TACR2: variants seen among roughly 807,000 people sequenced by gnomAD.
TACR2 encodes substance-K receptor.
Under a neutral mutation model 28.9 loss-of-function variants are expected in TACR2, and 24 were observed. That is an observed-to-expected ratio of 0.83 (90% CI 0.60 to 1.17). The LOEUF (loss-of-function observed/expected upper bound fraction) is 1.17. Among genes scored for constraint, TACR2 ranks in the 50% most tolerant of loss-of-function variants. The probability of loss-of-function intolerance (pLI) is 0.00; values close to 1 mark genes in which losing one functional copy is unlikely to be tolerated. For missense variants in TACR2, 487 were observed against 524.4 expected, an observed-to-expected ratio of 0.93 and a Z score of 0.70; for synonymous variants, 222 against 212.6, an observed-to-expected ratio of 1.04 and a Z score of -0.38.
chr10:69,411,112 T>A (rs1379791175), intron 2 of TACR2, among the ~76,000 whole-genome samples: 6 of 152,138 alleles, frequency 3.9e-5, no homozygotes, highest in Admixed American at 3.9e-4. Flanking sequence ...CCTGGTCCCG[T>A]CATTTGACTT....
chr10:69,415,491 G>A (rs1276893001), intron 1 of TACR2, among the ~76,000 whole-genome samples: 1 of 152,150 alleles, frequency 6.6e-6, no homozygotes, highest in Non-Finnish European at 1.5e-5. Context: ...AGCAGCGTTG[G>A]GAAAATAATT....
Position 69,408,963 on chromosome 10 carries a change from C to A in TACR2, c.700G>T (p.Ala234Ser). The change falls in exon 3 of 5, where the codon GCG becomes TCG. Residue 234 changes from alanine (A) to serine (S), a missense_variant. Physicochemically the swap from Ala to Ser is moderately conservative, Grantham distance 99. Coordinates refer to ENST00000373306, the MANE Select transcript of TACR2 (RefSeq NM_001057.3). ...LWRRAVPGHQ[A>S]HGANLRHLQA... Reference sequence around the variant, plus strand: ...AGGTGGCGCAGGTTGGCACCGTGCGCCTGATGTCCGGGCACTGCGCGCCTC... The same window carrying A: ...AGGTGGCGCAGGTTGGCACCGTGCGACTGATGTCCGGGCACTGCGCGCCTC... 2 of 1,596,356 alleles carry A rather than the reference C, an allele frequency of 1.3e-6. No homozygotes were observed. The highest frequency in any genetic ancestry group is 2.4e-5 in the East Asian group (1 of 42,288).
chr10:69,408,165 G>T (rs150393686), intron 3 of TACR2, among the ~76,000 whole-genome samples: 2,778 of 152,254 alleles, frequency 0.018, 96 homozygotes, highest in African/African-American at 0.064. Context: ...ACCCTGGATG[G>T]CAGGGAGTAG....
At chr10:69,413,962 G>A (rs1049416595) in intron 2 of TACR2, among the ~76,000 whole-genome samples, 16 of 152,330 alleles carry the variant, frequency 1.1e-4, no homozygotes, top group African/African-American at 3.6e-4. Context: ...GAGAGAGAAA[G>A]CCAGAGGTTC....
At chr10:69,408,495 C>CG (rs201736150) in intron 3 of TACR2, among the ~76,000 whole-genome samples, 2 of 151,210 alleles carry the variant, frequency 1.3e-5, no homozygotes, top group Non-Finnish European at 2.9e-5. Context: ...TTGTGGAGAA[C>CG]GGGGTCTCGC....
At chr10:69,415,458 C>CATT (rs1013476742) in intron 1 of TACR2, among the ~76,000 whole-genome samples, 1 of 152,226 alleles carries the variant, frequency 6.6e-6, no homozygotes, top group African/African-American at 2.4e-5. Context: ...AAGCATCCAA[C>CATT]ATTAGCCTGA....
intron 2 of TACR2, among the ~76,000 whole-genome samples, chr10:69,414,035 A>C (rs1840590429): frequency 6.6e-6 from 1 of 152,182 alleles, no homozygotes; most frequent in Non-Finnish European, 1.5e-5. Flanking sequence ...CTTGGGCCTG[A>C]CTGAGCCCAG....
In TACR2 at chr10:69,404,783, C is replaced by T; in HGVS notation, c.*43G>A. On this transcript the variant is annotated 3_prime_UTR_variant, in exon 5 of 5. Transcript: ENST00000373306. ...AAGGGATCCATCCCCAATACCCAAA[C>T]ACCTCCCACTAACCCCTACCTCCCA... 9.3e-7 allele frequency: 1 copy of T among 1,080,906 alleles called. No individual in the cohort carries two copies. Among genetic ancestry groups the T allele is most frequent in the Non-Finnish European group, 1.3e-6 (1 of 761,258 alleles). The allele number at this position is 1,080,906 out of a possible 1,614,324, so 67.0% of individuals were successfully genotyped here.
chr10:69,408,375 T>A (rs944015168), intron 3 of TACR2, among the ~76,000 whole-genome samples: 1 of 152,252 alleles, frequency 6.6e-6, no homozygotes, highest in Non-Finnish European at 1.5e-5. Context: ...TAATATTTTA[T>A]CATTCTAAGA....
Position 69,405,548 on chromosome 10 carries a change from G to C in TACR2, c.939-464C>G, listed in dbSNP as rs181661503. 1.3e-4 allele frequency among the ~76,000 whole-genome samples: 20 copies of C among 152,270 alleles called. 1 individual carries two copies. Among genetic ancestry groups the C allele is most frequent in the Admixed American group, 3.3e-4 (5 of 15,296 alleles). On this transcript the variant is annotated intron_variant, in intron 4 of 4. Transcript: ENST00000373306. ...GGACTACATTGAAAAACCCACACTC[G>C]GAGCCACCAAGTTCTGATGCATTTG...
At chr10:69,407,785 C>T (rs556178439) in intron 3 of TACR2, among the ~76,000 whole-genome samples, 1 of 152,334 alleles carries the variant, frequency 6.6e-6, no homozygotes, top group South Asian at 2.1e-4. Context: ...TCCCCCTCCT[C>T]AGAGCCTGGC....
At position 69,408,953 on chromosome 10, in the gene TACR2, G is replaced by A. The variant is rs201906791; in HGVS notation, c.710C>T (p.Ala237Val). ...CATGGCCTGCAGGTGGCGCAGGTTG[G>A]CACCGTGCGCCTGATGTCCGGGCAC... ...RAVPGHQAHG[A>V]NLRHLQAMKK... Residue 237 changes from alanine (A) to valine (V), a missense_variant, in exon 3 of 5, where the codon GCC becomes GTC. Ala to Val is a moderately conservative substitution (Grantham distance 64). Transcript: ENST00000373306. The A allele has an allele frequency of 4.6e-5, 73 of 1,581,680 alleles. No homozygotes were observed. The highest frequency in any genetic ancestry group is 2.2e-4 in the Admixed American group (12 of 55,142).
At chr10:69,409,908 T>TATAC (rs1840551488) in intron 2 of TACR2, among the ~76,000 whole-genome samples, 2 of 21,296 alleles carry the variant, frequency 9.4e-5, no homozygotes, top group Non-Finnish European at 1.9e-4. Context: ...TATATACATA[T>TATAC]ATATATATAT....
In TACR2 at chr10:69,416,050, C is replaced by CAA. The variant is rs1840615121; in HGVS notation, c.272_273dup (p.Val92LeufsTer34). ...TACCAGATGTTGTGGCTGGCATAGA[C>CAA]AAAGTTGAAGGCGGCATTGAAGGCA... On this transcript the variant is annotated frameshift_variant, in exon 1 of 5. Transcript: ENST00000373306. LOFTEE classifies it high-confidence loss of function. 6.2e-7 allele frequency: 1 copy of CAA among 1,614,070 alleles called. No individual in the cohort carries two copies. The highest frequency in any genetic ancestry group is 8.5e-7 in the Non-Finnish European group (1 of 1,180,038).
chr10:69,407,970 T>G (rs114176107), intron 3 of TACR2, among the ~76,000 whole-genome samples: 2,755 of 152,264 alleles, frequency 0.018, 96 homozygotes, highest in African/African-American at 0.063. Flanking sequence ...TGCAGCTATC[T>G]CCCCGAACCA....
At chr10:69,415,657 C>T (rs894687662) in intron 1 of TACR2, among the ~76,000 whole-genome samples, 7 of 152,182 alleles carry the variant, frequency 4.6e-5, no homozygotes, top group African/African-American at 9.7e-5. Flanking sequence ...TTCAGAAGGT[C>T]GCTAAAACAT....
At position 69,404,926 on chromosome 10, in the gene TACR2, GA is replaced by G. The variant is rs1171689431; in HGVS notation, c.1096del (p.Ser366ProfsTer45). 6.8e-6 allele frequency: 11 copies of G among 1,614,150 alleles called. No individual in the cohort carries two copies. The South Asian group carries it at 1.2e-4, about 18-fold the overall frequency. ...CCCCGCCTCCCCACTGGTAGCCTCG[GA>G]GGGGGCTGTGTCCCCAGCCATGAAC... is the stretch of plus-strand genomic sequence containing the variant. Reference protein sequence around the residue: ...TLFMAGDTAPSEATSGEAGRP... With the variant: ...TLFMAGDTAPXEATSGEAGRP... On this transcript the variant is annotated frameshift_variant, in exon 5 of 5. Coordinates refer to ENST00000373306, the MANE Select transcript of TACR2 (RefSeq NM_001057.3). LOFTEE classifies it high-confidence loss of function.
chr10:69,407,248 C>G lies in TACR2; in HGVS notation c.774G>C (p.Thr258=). The part of the protein sequence containing the change: ...FVKTMVLVVL[T]FAICWLPYHL... ...GGTAGGGCAGCCAGCAGATGGCAAA[C>G]GTCAGCACCACCAGCACCATGGTCT... The change falls in exon 4 of 5, where the codon ACG becomes ACC. Residue 258 remains threonine, a synonymous_variant. Coordinates refer to ENST00000373306, the MANE Select transcript of TACR2 (RefSeq NM_001057.3). 6.2e-7 allele frequency: 1 copy of G among 1,613,576 alleles called. No homozygotes were observed.
Position 69,409,033 on chromosome 10 carries a change from G to A in TACR2, c.630C>T (p.Leu210=). The change falls in exon 3 of 5, where the codon CTC becomes CTT. Residue 210 remains leucine, a synonymous_variant. Coordinates refer to ENST00000373306, the MANE Select transcript of TACR2 (RefSeq NM_001057.3). ...CGCTGTAGGCTACAAACATCACCGC[G>A]AGCGGCAGGAAGTAGATGAGGGCGA... is the stretch of plus-strand genomic sequence containing the variant. The part of the protein sequence containing the change: ...VVIALIYFLP[L]AVMFVAYSVI... 1 of 1,607,514 alleles carries A rather than the reference G, an allele frequency of 6.2e-7. No individual in the cohort carries two copies. Among genetic ancestry groups the A allele is most frequent in the Non-Finnish European group, 8.5e-7 (1 of 1,178,406 alleles).
Sources: allele counts gnomAD v4.1 joint callset (sites outside exome capture counted in the v4.1 genomes callset), GRCh38; gene constraint gnomAD v4.1.1; transcripts MANE v1.5; gene names NCBI Gene and HGNC (gene_info 2026-07-23, HGNC 2026-07-21).